Variants in STK38 observed in about 807,000 individuals in gnomAD.
STK38 encodes the protein serine/threonine-protein kinase 38.
Under a neutral mutation model 59.0 loss-of-function variants are expected in STK38, and 26 were observed. The ratio of observed to expected loss-of-function variants is 0.44; its 90% CI spans 0.32 to 0.61. The LOEUF is 0.61. STK38 is among the 20% of genes least tolerant of loss of function. STK38 has a pLI of 0.04. For missense variants in STK38, 433 were observed against 566.0 expected, an observed-to-expected ratio of 0.76 and a Z score of 2.38; for synonymous variants, 175 against 176.6, an observed-to-expected ratio of 0.99 and a Z score of 0.07.
At chr6:36,508,925 G>A (rs577174552) in intron 7 of STK38, among the ~76,000 whole-genome samples, 3 of 152,336 alleles carry the variant, frequency 2.0e-5, no homozygotes, top group Admixed American at 6.5e-5. Context: ...GCATCTGGAC[G>A]AGGGGAATGC....
chr6:36,527,068 T>C (rs576830135), intron 2 of STK38, among the ~76,000 whole-genome samples: 1 of 150,844 alleles, frequency 6.6e-6, no homozygotes, highest in East Asian at 2.0e-4. Flanking sequence ...GGCGAGCGCC[T>C]GTAGTCCCAG....
rs759837713 is a variant in STK38, at chr6:36,495,927, T to G, written c.1268-13A>C. 2 of 1,613,554 alleles carry G rather than the reference T, an allele frequency of 1.2e-6. No individual in the cohort carries two copies. The highest frequency in any genetic ancestry group is 8.5e-7 in the Non-Finnish European group (1 of 1,179,746). ...TTACTTGTGGCCACTGGGAAAGAAA[T>G]AGATGTGAGAGTTGATTCACTGCCT... On this transcript the variant is annotated splice_polypyrimidine_tract_variant and intron_variant, in intron 13 of 13. Coordinates refer to ENST00000229812, the MANE Select transcript of STK38 (RefSeq NM_007271.4).
intron 1 of STK38, among the ~76,000 whole-genome samples, chr6:36,546,233 G>A (rs1334800220): frequency 2.0e-5 from 3 of 152,196 alleles, no homozygotes; most frequent in Non-Finnish European, 4.4e-5. Context: ...AGATTAACTA[G>A]GAAATATACT....
chr6:36,519,451 A>G (rs1384631375), intron 5 of STK38, among the ~76,000 whole-genome samples: 1 of 152,078 alleles, frequency 6.6e-6, no homozygotes, highest in Non-Finnish European at 1.5e-5. Context: ...CTCCCTACCT[A>G]CTGCAGGGAG....
At chr6:36,506,750 C>T (rs1410371294) in intron 8 of STK38, 106 bp from the exon 9 acceptor site, 1 of 957,028 alleles carries the variant, frequency 1.0e-6, no homozygotes, top group Admixed American at 2.7e-5. Context: ...TCTTGCTTTT[C>T]TTCTACTCAT....
chr6:36,501,403 T>C (rs1776835546), intron 9 of STK38, among the ~76,000 whole-genome samples: 1 of 152,172 alleles, frequency 6.6e-6, no homozygotes, highest in Non-Finnish European at 1.5e-5. Context: ...AAATATTATA[T>C]AATTTTTTAA....
chr6:36,506,134 CAG>C (rs371532646), intron 9 of STK38, among the ~76,000 whole-genome samples: 31 of 152,268 alleles, frequency 2.0e-4, no homozygotes, highest in Middle Eastern at 3.4e-3. Context: ...ATCACAAAGT[CAG>C]AAAGTGTGAG....
rs564104580 is a variant in STK38 at position 36,539,851 on chromosome 6, AT to A, written c.131+220del. On this transcript the variant is annotated intron_variant, in intron 2 of 13. Transcript: ENST00000229812. ...CTCCCAACTCAACCTCCCAAGTATCATTTTTTTTCTTGGATTTCAATAGAAG... is the reference window on the plus strand; with the variant it reads ...CTCCCAACTCAACCTCCCAAGTATCATTTTTTTCTTGGATTTCAATAGAAG... Among the ~76,000 whole-genome samples the A allele has an allele frequency of 1.8e-3, 269 of 147,306 alleles. 1 individual carries two copies. The highest frequency in any genetic ancestry group is 2.8e-3 in the Non-Finnish European group (189 of 67,176).
At chr6:36,519,146 TG>T (rs1197792016) in intron 5 of STK38, among the ~76,000 whole-genome samples, 1 of 152,166 alleles carries the variant, frequency 6.6e-6, no homozygotes, top group Admixed American at 6.5e-5. Context: ...AATCATTCTT[TG>T]GGGAATTTTT....
chr6:36,517,686 A>G, intron 6 of STK38, 31 bp downstream of exon 6: 2 of 1,606,568 alleles, frequency 1.2e-6, no homozygotes, highest in Non-Finnish European at 1.7e-6. Context: ...GAACAAAAAG[A>G]AAAAATGACC....
At chr6:36,514,214 G>A (rs1582425630) in intron 7 of STK38, among the ~76,000 whole-genome samples, 1 of 150,700 alleles carries the variant, frequency 6.6e-6, no homozygotes, top group East Asian at 1.9e-4. Flanking sequence ...TACTCAGGAG[G>A]CTGAGGCAAG....
intron 10 of STK38, among the ~76,000 whole-genome samples, chr6:36,499,107 G>T (rs1180009035): frequency 1.3e-5 from 2 of 152,184 alleles, no homozygotes; most frequent in African/African-American, 4.8e-5. Context: ...TAGAGTTGCA[G>T]GTGTGGGAAT....
In STK38 at chr6:36,504,754, G is replaced by A. The variant is rs1171947765; in HGVS notation, c.834+1829C>T. Among the ~76,000 whole-genome samples the A allele has an allele frequency of 2.0e-5, 3 of 151,924 alleles. No homozygotes were observed. In the East Asian group the frequency reaches 5.8e-4, roughly 29 times the overall value. ...GCTTTCCTTATAGAACTATAGAAAT[G>A]GTTCCTCTAATCATGACATGACCCT... is the stretch of plus-strand genomic sequence containing the variant. On this transcript the variant is annotated intron_variant, in intron 9 of 13. Coordinates refer to ENST00000229812, the MANE Select transcript of STK38 (RefSeq NM_007271.4).
At chr6:36,507,399 A>G (rs74929800) in intron 8 of STK38, 101 bp downstream of exon 8, 11 of 975,632 alleles carry the variant, frequency 1.1e-5, no homozygotes, top group East Asian at 7.3e-5. Flanking sequence ...CTACATACTC[A>G]AAGTGTGAGA....
chr6:36,510,277 G>A (rs1777076045), intron 7 of STK38, among the ~76,000 whole-genome samples: 1 of 152,238 alleles, frequency 6.6e-6, no homozygotes, highest in Admixed American at 6.5e-5. Context: ...AAGTCCAGAG[G>A]GAGCTGAGGC....
At chr6:36,497,346 C>G (rs1358923243) in intron 12 of STK38, among the ~76,000 whole-genome samples, 3 of 152,194 alleles carry the variant, frequency 2.0e-5, no homozygotes, top group Non-Finnish European at 4.4e-5. Context: ...TCTACTACCC[C>G]CACCATAACA....
At chr6:36,497,628 A>G in intron 12 of STK38, 152 bp downstream of exon 12, 1 of 647,898 alleles carries the variant, frequency 1.5e-6, no homozygotes, top group Admixed American at 2.9e-5. Context: ...CTAATGCCCA[A>G]TCTTCACCAT....
At position 36,540,056 on chromosome 6, in the gene STK38, A is replaced by T. The variant is rs781271383; in HGVS notation, c.131+16T>A. ...GCCACAACCATGACACAATTTTTTC[A>T]AACAAAATTCTTTACCTCATTTCTC... On this transcript the variant is annotated intron_variant, in intron 2 of 13. Coordinates refer to ENST00000229812, the MANE Select transcript of STK38 (RefSeq NM_007271.4). 1.1e-5 allele frequency: 17 copies of T among 1,612,352 alleles called. No individual in the cohort carries two copies. Among genetic ancestry groups the T allele is most frequent in the Non-Finnish European group, 1.4e-5 (16 of 1,179,358 alleles).
chr6:36,527,382 C>CACAT (rs201379018), intron 2 of STK38, among the ~76,000 whole-genome samples: 1 of 148,740 alleles, frequency 6.7e-6, no homozygotes, highest in Non-Finnish European at 1.5e-5. Flanking sequence ...CACACACACA[C>CACAT]ACATATATGT....
Sources: allele counts gnomAD v4.1 joint callset (sites outside exome capture counted in the v4.1 genomes callset), GRCh38; gene constraint gnomAD v4.1.1; transcripts MANE v1.5; gene names NCBI Gene and HGNC (gene_info 2026-07-23, HGNC 2026-07-21).